The following PTPN5 variants were observed in gnomAD, a reference collection of about 807,000 sequenced individuals.
PTPN5 encodes the protein protein tyrosine phosphatase non-receptor type 5.
In PTPN5, 29 loss-of-function variants were observed where a neutral mutation model predicts 73.9. The ratio of observed to expected loss-of-function variants is 0.39; its 90% CI spans 0.29 to 0.54. The LOEUF (loss-of-function observed/expected upper bound fraction) is 0.54, where lower values mean the gene tolerates loss of function less well. Ranked by LOEUF, PTPN5 falls within the 20% of genes least tolerant of loss-of-function variation. The pLI is 0.65. For synonymous variants in PTPN5, 267 were observed against 304.7 expected (o/e 0.88, Z 1.29); for missense variants, 652 against 751.4 (o/e 0.87, Z 1.55).
At chr11:18,737,760 TGTCCCACCTCCTCCA>T in intron 9 of PTPN5, 105 bp downstream of exon 9, 1 of 858,644 alleles carries the variant, frequency 1.2e-6, no homozygotes, top group Non-Finnish European at 1.9e-6. Flanking sequence ...CCCAGCCCTC[TGTCCCACCTCCTCCA>T]GTCCTGTCAC....
intron 3 of PTPN5, among the ~76,000 whole-genome samples, chr11:18,753,775 C>T (rs1422524776): frequency 6.6e-6 from 1 of 152,172 alleles, no homozygotes; most frequent in Non-Finnish European, 1.5e-5. Context: ...TCTGCAAGCC[C>T]ATGGCTGGGG....
At position 18,733,224 on chromosome 11, in the gene PTPN5, G is replaced by A. The variant is rs1024328454; in HGVS notation, c.1218+11C>T. 4.4e-6 allele frequency: 7 copies of A among 1,607,898 alleles called. No homozygotes were observed. Among genetic ancestry groups the A allele is most frequent in the Admixed American group, 3.3e-5 (2 of 59,920 alleles). ...GTAGCAGACACTTAGAATGGGGACG[G>A]GGGTCCCTACCTCGTTCATCTCCTC... On this transcript the variant is annotated intron_variant, in intron 11 of 14. Transcript: ENST00000358540. This position sits in a 1 kb window ranked among gnomAD's most constrained non-coding sequence, Gnocchi z 4.3.
At chr11:18,759,925 G>A (rs1850314925) in intron 3 of PTPN5, among the ~76,000 whole-genome samples, 1 of 134,594 alleles carries the variant, frequency 7.4e-6, no homozygotes, top group South Asian at 2.6e-4. Context: ...AGCAGATCAG[G>A]GATGAGGCCC....
At chr11:18,791,063 G>A (rs570824257) in intron 1 of PTPN5, among the ~76,000 whole-genome samples, 17 of 152,300 alleles carry the variant, frequency 1.1e-4, no homozygotes, top group African/African-American at 3.6e-4. Flanking sequence ...GTGGGACGCG[G>A]GAGGCTAAAG....
At chr11:18,756,460 C>T (rs988525805) in intron 3 of PTPN5, among the ~76,000 whole-genome samples, 1 of 151,886 alleles carries the variant, frequency 6.6e-6, no homozygotes, top group African/African-American at 2.4e-5. Flanking sequence ...TCATGCCTGG[C>T]TAGTTTTTGT....
intron 3 of PTPN5, among the ~76,000 whole-genome samples, chr11:18,750,869 C>T (rs34840171): frequency 0.31 from 47,842 of 152,046 alleles, 9,166 homozygotes; most frequent in Admixed American, 0.47. Flanking sequence ...GACTTGAACC[C>T]AGGTTGGTGG....
intron 4 of PTPN5, 66 bp from the exon 5 acceptor site, chr11:18,743,495 C>T: frequency 4.2e-6 from 6 of 1,430,874 alleles, no homozygotes; most frequent in Non-Finnish European, 5.9e-6. Flanking sequence ...CCCAGCAGAG[C>T]TCACCTGCAG....
intron 3 of PTPN5, among the ~76,000 whole-genome samples, chr11:18,750,810 A>C (rs1392341963): frequency 2.6e-5 from 4 of 152,110 alleles, no homozygotes; most frequent in Non-Finnish European, 5.9e-5. Context: ...AGGCACAGAG[A>C]GGTTAAGTGA....
At chr11:18,755,811 C>T (rs1209994398) in intron 3 of PTPN5, among the ~76,000 whole-genome samples, 1 of 152,002 alleles carries the variant, frequency 6.6e-6, no homozygotes, top group African/African-American at 2.4e-5. Context: ...CGAGACCAGC[C>T]TGGCCAACAT....
At chr11:18,754,287 A>T (rs1353950748) in intron 3 of PTPN5, among the ~76,000 whole-genome samples, 1 of 152,170 alleles carries the variant, frequency 6.6e-6, no homozygotes, top group Non-Finnish European at 1.5e-5. Flanking sequence ...GAACTGGGAG[A>T]GCTGGAGAGA....
intron 1 of PTPN5, among the ~76,000 whole-genome samples, chr11:18,774,558 A>G (rs1432679557): frequency 6.6e-6 from 1 of 152,238 alleles, no homozygotes; most frequent in Non-Finnish European, 1.5e-5. Flanking sequence ...TCGTCCTGCC[A>G]AATTCCTAGA....
At chr11:18,751,270 G>C (rs974779941) in intron 3 of PTPN5, among the ~76,000 whole-genome samples, 1 of 152,202 alleles carries the variant, frequency 6.6e-6, no homozygotes, top group African/African-American at 2.4e-5. Context: ...CTGAAGAGCA[G>C]AGTCCCTGAA....
intron 1 of PTPN5, among the ~76,000 whole-genome samples, chr11:18,779,220 G>A (rs1851308107): frequency 6.6e-6 from 1 of 152,138 alleles, no homozygotes; most frequent in Non-Finnish European, 1.5e-5. Context: ...CCTGGCTCAC[G>A]TCATGGCAAC....
At position 18,742,526 on chromosome 11, in the gene PTPN5, C is replaced by A. The variant is rs756625764; in HGVS notation, c.484-23G>T. The A allele has an allele frequency of 6.2e-7, 1 of 1,609,878 alleles. No individual in the cohort carries two copies. The highest frequency in any genetic ancestry group is 1.7e-5 in the Admixed American group (1 of 59,980). On this transcript the variant is annotated intron_variant, in intron 6 of 14. Transcript: ENST00000358540. This position sits in a 1 kb window ranked among gnomAD's most constrained non-coding sequence, Gnocchi z 4.1. ...CACCTGGTTGGGGTGTACAGCATCACAGATTTCGGACCACGCTGGCTGCCC... is the reference window on the plus strand; with the variant it reads ...CACCTGGTTGGGGTGTACAGCATCAAAGATTTCGGACCACGCTGGCTGCCC...
At chr11:18,782,860 T>C (rs1174088835) in intron 1 of PTPN5, among the ~76,000 whole-genome samples, 1 of 152,210 alleles carries the variant, frequency 6.6e-6, no homozygotes, top group African/African-American at 2.4e-5. Context: ...CCAGGGATGC[T>C]TTTACATCAA....
At position 18,733,566 on chromosome 11, in the gene PTPN5, T is replaced by C. The variant is rs1564887719; in HGVS notation, c.1070A>G (p.Asn357Ser). ...DDPLSSYINA[N>S]YIRGYGGEEK... ...GGTGGGAATACGTACCCGGATGTAG[T>C]TGGCATTGATGTAGGAACTCAGAGG... is the stretch of plus-strand genomic sequence containing the variant. The change falls in exon 10 of 15, where the codon AAC becomes AGC. Residue 357 changes from asparagine to serine, a missense_variant. Physicochemically the swap from Asn to Ser is conservative, Grantham distance 46. Transcript: ENST00000358540. This position sits in a 1 kb window ranked among gnomAD's most constrained non-coding sequence, Gnocchi z 4.3. 4 of 1,614,170 alleles carry C rather than the reference T, an allele frequency of 2.5e-6. No individual in the cohort carries two copies. Among genetic ancestry groups the C allele is most frequent in the South Asian group, 1.1e-5 (1 of 91,082 alleles).
chr11:18,740,572 A>C (rs1275939030), intron 8 of PTPN5, 31 bp downstream of exon 8: 2 of 1,505,970 alleles, frequency 1.3e-6, no homozygotes, highest in East Asian at 5.0e-5. Flanking sequence ...GGGTCTGCAC[A>C]CAGTGGGGCG....
chr11:18,791,608 G>C lies in PTPN5; in HGVS notation c.-197C>G, dbSNP rs961665412. The C allele has an allele frequency of 6.5e-6, 1 of 152,732 alleles. No individual in the cohort carries two copies. 9.5% of individuals were successfully genotyped at this position (152,732 alleles called of 1,614,324 possible). A position where few individuals can be genotyped will look rare whatever the true frequency, so the allele number is the denominator to read the frequency against. ...CGCGCGAGTGTGCGTGTGTCTGCGT[G>C]TGTCCCTGCTTGTGTCTGTGCCAGT... On this transcript the variant is annotated 5_prime_UTR_variant, in exon 1 of 15. Transcript: ENST00000358540.
At chr11:18,739,688 T>C (rs1448356678) in intron 8 of PTPN5, among the ~76,000 whole-genome samples, 1 of 152,212 alleles carries the variant, frequency 6.6e-6, no homozygotes, top group African/African-American at 2.4e-5. Context: ...CCTGCTTCTG[T>C]ACCCCTGTGG....
Sources: allele counts gnomAD v4.1 joint callset (sites outside exome capture counted in the v4.1 genomes callset), GRCh38; gene constraint gnomAD v4.1.1; non-coding constraint Gnocchi (gnomAD v3.1); transcripts MANE v1.5; gene names NCBI Gene and HGNC (gene_info 2026-07-23, HGNC 2026-07-21).